PPP3CC: variants seen among roughly 807,000 people sequenced by gnomAD.
PPP3CC encodes protein phosphatase 3 catalytic subunit gamma, also known as serine/threonine-protein phosphatase 2B catalytic subunit gamma isoform.
PPP3CC carries 35 observed loss-of-function variants against 60.3 expected under a neutral mutation model. The ratio of observed to expected loss-of-function variants is 0.58; its 90% CI spans 0.44 to 0.77. The LOEUF (loss-of-function observed/expected upper bound fraction) is 0.77, where lower values mean the gene tolerates loss of function less well. Ranked by LOEUF, PPP3CC falls within the 30% of genes least tolerant of loss-of-function variation. The probability of loss-of-function intolerance (pLI) is 0.00; values close to 1 mark genes in which losing one functional copy is unlikely to be tolerated. For synonymous variants in PPP3CC, 206 were observed against 224.3 expected (o/e 0.92, Z 0.73); for missense variants, 570 against 628.9 (o/e 0.91, Z 1.00).
At chr8:22,517,529 C>A (rs2122880) in intron 6 of PPP3CC, among the ~76,000 whole-genome samples, 81,890 of 151,604 alleles carry the variant, frequency 0.54, 23,119 homozygotes, top group African/African-American at 0.72. Flanking sequence ...TTACTGATTC[C>A]ATCTCCATAT....
At position 22,463,421 on chromosome 8, in the gene PPP3CC, C is replaced by G. The variant is rs369179653; in HGVS notation, c.50-11533C>G. ...TTCTTTTGATAAGTCTTCCACAAGG[C>G]TCAATTCCTATCTTTAGCTTATAGC... On this transcript the variant is annotated intron_variant, in intron 1 of 13. Transcript: ENST00000240139. Among the ~76,000 whole-genome samples, 11 of 152,280 alleles carry G rather than the reference C, an allele frequency of 7.2e-5. No individual in the cohort carries two copies. In the South Asian group the frequency reaches 1.5e-3, roughly 20 times the overall value.
chr8:22,480,237 A>C (rs1290456491), intron 3 of PPP3CC, among the ~76,000 whole-genome samples: 1 of 152,198 alleles, frequency 6.6e-6, no homozygotes, highest in Non-Finnish European at 1.5e-5. Context: ...GGATACAATA[A>C]TCAGAATTAA....
chr8:22,443,276 A>C (rs948005073), intron 1 of PPP3CC, among the ~76,000 whole-genome samples: 4 of 152,174 alleles, frequency 2.6e-5, no homozygotes, highest in Non-Finnish European at 5.9e-5. Flanking sequence ...TAACCCCAGC[A>C]CTTTGGAAGG....
chr8:22,474,789 T>C (rs2132467565), intron 1 of PPP3CC, among the ~76,000 whole-genome samples, 165 bp from the exon 2 acceptor site: 1 of 152,320 alleles, frequency 6.6e-6, no homozygotes, highest in South Asian at 2.1e-4. Context: ...TTAGAATTGA[T>C]CATTTATGAT....
At chr8:22,510,279 T>C (rs2948145) in intron 4 of PPP3CC, among the ~76,000 whole-genome samples, 74,026 of 151,638 alleles carry the variant, frequency 0.49, 18,207 homozygotes, top group East Asian at 0.6. Context: ...TTCCAAAACA[T>C]TGGGATTACA....
chr8:22,497,263 C>T lies in PPP3CC; in HGVS notation c.373-738C>T, dbSNP rs963530271. On this transcript the variant is annotated intron_variant, in intron 3 of 13. Transcript: ENST00000240139. The stretch of plus-strand genomic sequence containing the variant: ...AGGGTAGTCTCGAACTCCCGACCTC[C>T]GGTGATCTGCCCGCCTTGGCCTCCC... 1.4e-4 allele frequency among the ~76,000 whole-genome samples: 22 copies of T among 151,818 alleles called. 1 individual carries two copies. The highest frequency in any genetic ancestry group is 1.0e-3 in the South Asian group (5 of 4,792).
At chr8:22,523,465 G>T (rs1839462271) in intron 8 of PPP3CC, among the ~76,000 whole-genome samples, 1 of 152,028 alleles carries the variant, frequency 6.6e-6, no homozygotes, top group Non-Finnish European at 1.5e-5. Flanking sequence ...CTATTTTGTT[G>T]TTTATAAAGT....
rs1839944172 is a variant in PPP3CC at position 22,540,854 on chromosome 8, A to G, written c.*52A>G. The G allele has an allele frequency of 2.1e-6, 3 of 1,406,772 alleles. No individual in the cohort carries two copies. Among genetic ancestry groups the G allele is most frequent in the Non-Finnish European group, 2.8e-6 (3 of 1,065,990 alleles). 87.1% of individuals were successfully genotyped at this position (1,406,772 alleles called of 1,614,324 possible). ...GATCTAAAACTCAAGAACAAATTCT[A>G]TTTATTTATTATTGGAAAATGAAAA... On this transcript the variant is annotated 3_prime_UTR_variant, in exon 14 of 14. Transcript: ENST00000240139.
At chr8:22,446,391 G>GA (rs1287165217) in intron 1 of PPP3CC, among the ~76,000 whole-genome samples, 17 of 151,404 alleles carry the variant, frequency 1.1e-4, no homozygotes, top group East Asian at 9.8e-4. Flanking sequence ...ACTGTAAAGT[G>GA]AAAAAAACAA....
At chr8:22,499,174 T>A (rs1162577159) in intron 4 of PPP3CC, among the ~76,000 whole-genome samples, 4 of 146,224 alleles carry the variant, frequency 2.7e-5, no homozygotes, top group African/African-American at 1.0e-4. Context: ...GCGCGGTGGC[T>A]CACGCCTGTA....
intron 3 of PPP3CC, among the ~76,000 whole-genome samples, chr8:22,486,731 TG>T (rs1196428893): frequency 3.4e-5 from 5 of 148,360 alleles, no homozygotes; most frequent in Admixed American, 1.3e-4. Flanking sequence ...TTTTTTGTTT[TG>T]TTTTTTTTTT....
At chr8:22,508,389 A>T (rs1838988149) in intron 4 of PPP3CC, among the ~76,000 whole-genome samples, 1 of 152,208 alleles carries the variant, frequency 6.6e-6, no homozygotes, top group African/African-American at 2.4e-5. Context: ...CAGAAAATTA[A>T]ATACTGGTAA....
chr8:22,527,681 G>A (rs904489635), intron 9 of PPP3CC, among the ~76,000 whole-genome samples, 164 bp downstream of exon 9: 3 of 151,454 alleles, frequency 2.0e-5, no homozygotes, highest in Middle Eastern at 3.4e-3. Flanking sequence ...TGTCACCCAG[G>A]CTGGAGTGCA....
At chr8:22,489,742 GTATATAT>G (rs1249813650) in intron 3 of PPP3CC, among the ~76,000 whole-genome samples, 1 of 62,880 alleles carries the variant, frequency 1.6e-5, no homozygotes, top group Non-Finnish European at 3.7e-5. Context: ...TATATAATAA[GTATATAT>G]TATATATAAG....
At chr8:22,521,257 C>T (rs1157353239) in intron 6 of PPP3CC, among the ~76,000 whole-genome samples, 1 of 152,158 alleles carries the variant, frequency 6.6e-6, no homozygotes, top group Non-Finnish European at 1.5e-5. Flanking sequence ...TCCTCTTGGC[C>T]ACAGTAGAGC....
intron 1 of PPP3CC, among the ~76,000 whole-genome samples, chr8:22,448,776 T>G (rs143010813): frequency 7.2e-5 from 11 of 152,288 alleles, no homozygotes; most frequent in Admixed American, 2.6e-4. Context: ...AGTATTAGTA[T>G]GTTGAAATGT....
chr8:22,483,546 A>G (rs1375146484), intron 3 of PPP3CC, among the ~76,000 whole-genome samples: 1 of 152,208 alleles, frequency 6.6e-6, no homozygotes, highest in Non-Finnish European at 1.5e-5. Flanking sequence ...TGGGCCTCCC[A>G]AAGTGCTGGG....
chr8:22,540,283 TG>T (rs1839931373), intron 13 of PPP3CC, among the ~76,000 whole-genome samples: 1 of 152,212 alleles, frequency 6.6e-6, no homozygotes, highest in South Asian at 2.1e-4. Context: ...AGTATGTTTC[TG>T]GTGCATAAGA....
rs1222251866 is a variant in PPP3CC, at chr8:22,446,498, T to C, written c.49+5040T>C. Among the ~76,000 whole-genome samples the C allele has an allele frequency of 2.0e-5, 3 of 152,236 alleles. No individual in the cohort carries two copies. In the East Asian group the frequency reaches 5.8e-4, roughly 29 times the overall value. On this transcript the variant is annotated intron_variant, in intron 1 of 13. Transcript: ENST00000240139. The stretch of plus-strand genomic sequence containing the variant: ...GCAGTATTTGATACTAGGAATTGAA[T>C]GTCTTTCTATTAAGGTAACATTTTT...
Sources: allele counts gnomAD v4.1 joint callset (sites outside exome capture counted in the v4.1 genomes callset), GRCh38; gene constraint gnomAD v4.1.1; transcripts MANE v1.5; gene names NCBI Gene and HGNC (gene_info 2026-07-23, HGNC 2026-07-21).